Variants in BDH2 observed in about 807,000 individuals in gnomAD.
BDH2 encodes dehydrogenase/reductase SDR family member 6.
In BDH2, 24 loss-of-function variants were observed where a neutral mutation model predicts 33.2. That is an observed-to-expected ratio of 0.72 (90% CI 0.52 to 1.02). BDH2 has a LOEUF of 1.02. Ranked by LOEUF, BDH2 falls within the 50% of genes least tolerant of loss-of-function variation. The pLI, the probability that BDH2 is intolerant of heterozygous loss-of-function variation, is 0.00. For missense variants in BDH2, 249 were observed against 301.6 expected (o/e 0.83, Z 1.29); for synonymous variants, 81 against 101.6 (o/e 0.80, Z 1.22).
At chr4:103,090,036 G>A (rs1560572851) in intron 5 of BDH2, among the ~76,000 whole-genome samples, 1 of 152,166 alleles carries the variant, frequency 6.6e-6, no homozygotes, top group Admixed American at 6.5e-5. Context: ...TATCAGCCCT[G>A]CTGTGCCATT....
chr4:103,081,180 C>G (rs1043547060), intron 9 of BDH2, among the ~76,000 whole-genome samples: 10 of 152,284 alleles, frequency 6.6e-5, no homozygotes, highest in African/African-American at 2.4e-4. Context: ...TTGCTTTCAT[C>G]TTAAGCCATT....
chr4:103,096,380 G>C, intron 1 of BDH2, 106 bp from the exon 2 acceptor site: 1 of 665,068 alleles, frequency 1.5e-6, no homozygotes, highest in Non-Finnish European at 2.5e-6. Context: ...ATAATTTAGT[G>C]AGCTCCTTCA....
In BDH2 at chr4:103,077,939, G is replaced by A. The variant is rs964252218; in HGVS notation, c.*1763C>T. Among the ~76,000 whole-genome samples, 3 of 152,164 alleles carry A rather than the reference G, an allele frequency of 2.0e-5. No homozygotes were observed. Among genetic ancestry groups the A allele is most frequent in the Admixed American group, 1.3e-4 (2 of 15,286 alleles). On this transcript the variant is annotated 3_prime_UTR_variant, in exon 10 of 10. Coordinates refer to ENST00000296424, the MANE Select transcript of BDH2 (RefSeq NM_020139.4). ...CTCATAGATAATCTTATAATCAATG[G>A]ACTCTTTCTGAATGCTAGTCAAAAT...
intron 5 of BDH2, among the ~76,000 whole-genome samples, chr4:103,090,559 G>T (rs954478891): frequency 6.6e-6 from 1 of 152,182 alleles, no homozygotes; most frequent in Non-Finnish European, 1.5e-5. Context: ...TCAAATCTTG[G>T]TTCTAACCAT....
chr4:103,085,538 T>A, intron 6 of BDH2, 76 bp from the exon 7 acceptor site: 1 of 1,449,750 alleles, frequency 6.9e-7, no homozygotes. Context: ...CACAAATAAG[T>A]TTTCCCAGTA....
At chr4:103,085,054 C>T (rs960157516) in intron 7 of BDH2, among the ~76,000 whole-genome samples, 1 of 152,168 alleles carries the variant, frequency 6.6e-6, no homozygotes, top group African/African-American at 2.4e-5. Context: ...AAGTACATAT[C>T]AATTTAATAA....
intron 5 of BDH2, among the ~76,000 whole-genome samples, chr4:103,087,540 G>A (rs1432600761): frequency 6.6e-6 from 1 of 152,174 alleles, no homozygotes; most frequent in Non-Finnish European, 1.5e-5. Context: ...CACCAATTTA[G>A]GGCAGTGTTT....
rs757773411 is a variant in BDH2, at chr4:103,092,675, T to A, written c.173A>T (p.Asp58Val). The change falls in exon 4 of 10, where the codon GAT (aspartate) becomes GTT (valine). Residue 58 changes from aspartate to valine, a missense_variant. Asp to Val is a radical substitution (Grantham distance 152). Coordinates refer to ENST00000296424, the MANE Select transcript of BDH2 (RefSeq NM_020139.4). Reference sequence around the variant, plus strand: ...ATCAATTTGTTTCTTCTTTGTGACATCAAGGACACGAGTTTGAATACCTGA... The same window carrying A: ...ATCAATTTGTTTCTTCTTTGTGACAACAAGGACACGAGTTTGAATACCTGA... ...KYPGIQTRVL[D>V]VTKKKQIDQF... 3 of 1,612,218 alleles carry A rather than the reference T, an allele frequency of 1.9e-6. No individual in the cohort carries two copies. Among genetic ancestry groups the A allele is most frequent in the Non-Finnish European group, 8.5e-7 (1 of 1,178,494 alleles).
rs775208549 is a variant in BDH2, at chr4:103,082,850, C to T, written c.591+21G>A. ...CATTTATTAACAAAAGGTTTAAATA[C>T]ATTTTAAATGCTAGATGTACCTCTT... On this transcript the variant is annotated intron_variant, in intron 8 of 9. Transcript: ENST00000296424. The T allele has an allele frequency of 3.2e-6, 5 of 1,585,768 alleles. No homozygotes were observed. In the African/African-American group the frequency reaches 6.7e-5, roughly 21 times the overall value.
intron 7 of BDH2, 23 bp from the exon 8 acceptor site, chr4:103,082,952 G>T: frequency 6.3e-7 from 1 of 1,596,958 alleles, no homozygotes; most frequent in South Asian, 1.1e-5. Context: ...GGGATATTCA[G>T]CTTGGTTACT....
intron 1 of BDH2, among the ~76,000 whole-genome samples, chr4:103,098,400 C>T (rs1748507713): frequency 3.9e-5 from 6 of 152,154 alleles, no homozygotes; most frequent in Admixed American, 3.9e-4. Flanking sequence ...TACTCAAAGC[C>T]CTGCGGGCCT....
chr4:103,093,194 C>T (rs937615896), intron 3 of BDH2, among the ~76,000 whole-genome samples: 1 of 151,964 alleles, frequency 6.6e-6, no homozygotes, highest in African/African-American at 2.4e-5. Context: ...GTTGCTGGTA[C>T]CTATACAGTA....
chr4:103,095,864 G>A (rs1265492736), intron 2 of BDH2, among the ~76,000 whole-genome samples: 1 of 152,170 alleles, frequency 6.6e-6, no homozygotes. Context: ...CACAATTTCA[G>A]AAAGCTGTGT....
intron 4 of BDH2, among the ~76,000 whole-genome samples, chr4:103,091,944 T>G (rs186723674): frequency 2.6e-4 from 39 of 152,308 alleles, no homozygotes; most frequent in Admixed American, 1.1e-3. Context: ...GATGTTAGTT[T>G]GTTGTAAGAG....
In BDH2 at chr4:103,079,470, T is replaced by C; in HGVS notation, c.*232A>G. On this transcript the variant is annotated 3_prime_UTR_variant, in exon 10 of 10. Coordinates refer to ENST00000296424, the MANE Select transcript of BDH2 (RefSeq NM_020139.4). Reference sequence around the variant, plus strand: ...TCGAGATTTATTTTAAAAACTATTCTCCTGCTATGAGTTCAATATTTTTAT... The same window carrying C: ...TCGAGATTTATTTTAAAAACTATTCCCCTGCTATGAGTTCAATATTTTTAT... The C allele has an allele frequency of 2.0e-6, 1 of 500,832 alleles. No individual in the cohort carries two copies. The highest frequency in any genetic ancestry group is 3.5e-6 in the Non-Finnish European group (1 of 281,968). 31.0% of individuals were successfully genotyped at this position (500,832 alleles called of 1,614,324 possible). A position where few individuals can be genotyped will look rare whatever the true frequency, so the allele number is the denominator to read the frequency against.
chr4:103,096,654 C>A (rs1748424389), intron 1 of BDH2, among the ~76,000 whole-genome samples: 1 of 151,698 alleles, frequency 6.6e-6, no homozygotes, highest in African/African-American at 2.4e-5. Context: ...AATTCTCCTG[C>A]CGCAGCCTCC....
chr4:103,096,183 T>C lies in BDH2; in HGVS notation c.72A>G (p.Leu24=), dbSNP rs377234283. The C allele has an allele frequency of 5.6e-6, 9 of 1,610,864 alleles. No individual in the cohort carries two copies. The highest frequency in any genetic ancestry group is 7.6e-6 in the Non-Finnish European group (9 of 1,177,510). The change falls in exon 2 of 10, where the codon TTA becomes TTG. Residue 24 remains leucine (L), a splice_region_variant and synonymous_variant. Transcript: ENST00000296424. Reference sequence around the variant, plus strand: ...ACAAAGATAGTAACTTATAACTTACTAAGGCAGCTGCTTGGCCAATCCCCT... The same window carrying C: ...ACAAAGATAGTAACTTATAACTTACCAAGGCAGCTGCTTGGCCAATCCCCT... ...AAQGIGQAAA[L]AFAREGAKVI...
Position 103,079,705 on chromosome 4 carries a change from C to A in BDH2, c.735G>T (p.Leu245Phe). 1 of 1,613,930 alleles carries A rather than the reference C, an allele frequency of 6.2e-7. No homozygotes were observed. The highest frequency in any genetic ancestry group is 8.5e-7 in the Non-Finnish European group (1 of 1,179,848). ...NPVIIDGGWS[L>F] ...TCCCACCATGGAGATCCTAAAATCA[C>A]AAGCTCCAGCCTCCATCAATGATGA... The change falls in exon 10 of 10, where the codon TTG (leucine) becomes TTT (phenylalanine). Residue 245 changes from leucine (L) to phenylalanine (F), a missense_variant. By Grantham distance (22) the Leu-to-Phe change is conservative. Coordinates refer to ENST00000296424, the MANE Select transcript of BDH2 (RefSeq NM_020139.4).
intron 2 of BDH2, 80 bp from the exon 3 acceptor site, chr4:103,095,361 T>G: frequency 9.5e-7 from 1 of 1,050,574 alleles, no homozygotes; most frequent in South Asian, 1.3e-5. Flanking sequence ...TGTGGTCTTT[T>G]TCTCCTTTAT....
Sources: allele counts gnomAD v4.1 joint callset (sites outside exome capture counted in the v4.1 genomes callset), GRCh38; gene constraint gnomAD v4.1.1; transcripts MANE v1.5; gene names NCBI Gene and HGNC (gene_info 2026-07-23, HGNC 2026-07-21).